Variants in DYM observed in about 807,000 individuals in gnomAD.
The protein encoded by DYM is dymeclin, also known as dyggve-Melchior-Clausen syndrome protein.
Under a neutral mutation model 93.1 loss-of-function variants are expected in DYM, and 78 were observed. That is an observed-to-expected ratio of 0.84 (90% CI 0.70 to 1.01). The LOEUF is 1.01. DYM is among the 50% of genes least tolerant of loss of function. DYM has a pLI of 0.00. For missense variants in DYM, 789 were observed against 845.0 expected (o/e 0.93, Z 0.82); for synonymous variants, 321 against 319.7 (o/e 1.00, Z -0.04).
At chr18:49,317,205 T>G (rs1278477510) in intron 8 of DYM, among the ~76,000 whole-genome samples, 2 of 152,192 alleles carry the variant, frequency 1.3e-5, no homozygotes. Context: ...AACCTAGAAC[T>G]GCTCCAAAAA....
At chr18:49,214,195 T>C (rs1367222861) in intron 13 of DYM, among the ~76,000 whole-genome samples, 2 of 152,238 alleles carry the variant, frequency 1.3e-5, no homozygotes, top group Non-Finnish European at 2.9e-5. Flanking sequence ...CTGGGCTACA[T>C]AGCAGTAGGT....
chr18:49,098,687 T>C (rs2079810908), intron 16 of DYM, among the ~76,000 whole-genome samples: 1 of 152,242 alleles, frequency 6.6e-6, no homozygotes, highest in South Asian at 2.1e-4. Context: ...TGTCCACAAG[T>C]GGGCTTTTCG....
intron 17 of DYM, among the ~76,000 whole-genome samples, chr18:49,082,742 C>G (rs185061871): frequency 6.6e-6 from 1 of 152,200 alleles, no homozygotes; most frequent in Non-Finnish European, 1.5e-5. Context: ...CAAATACAGA[C>G]AGTTTTACTT....
At chr18:49,432,594 T>C (rs894779495) in intron 1 of DYM, among the ~76,000 whole-genome samples, 2 of 128,890 alleles carry the variant, frequency 1.6e-5, no homozygotes, top group African/African-American at 6.1e-5. Flanking sequence ...AGTACCAGCA[T>C]TAAAATTTTT....
intron 2 of DYM, chr18:49,413,061 A>T (rs1190441065): frequency 6.6e-6 from 1 of 152,176 alleles, no homozygotes; most frequent in Admixed American, 6.5e-5. Context: ...GTGAACATAT[A>T]ATCTGGTGGT....
Position 49,081,253 on chromosome 18 carries a change from G to T in DYM, c.2025+16149C>A, listed in dbSNP as rs946889210. On this transcript the variant is annotated intron_variant, in intron 17 of 17. Coordinates refer to ENST00000675505, the MANE Select transcript of DYM (RefSeq NM_001353214.3). ...GAACCAGACTCCGTCTGCAATCCCG[G>T]CACCTCGGGAGGCCGAGGCTGGCGG... Among the ~76,000 whole-genome samples the T allele has an allele frequency of 3.0e-4, 46 of 151,068 alleles. 1 individual carries two copies. Among genetic ancestry groups the T allele is most frequent in the Non-Finnish European group, 5.5e-4 (37 of 67,664 alleles).
At chr18:49,210,093 T>G (rs987956665) in intron 13 of DYM, among the ~76,000 whole-genome samples, 3 of 152,356 alleles carry the variant, frequency 2.0e-5, no homozygotes, top group African/African-American at 7.2e-5. Flanking sequence ...ACAGGAACTC[T>G]CATTCACTGC....
At chr18:49,392,930 G>T (rs1403351922) in intron 2 of DYM, among the ~76,000 whole-genome samples, 2 of 149,812 alleles carry the variant, frequency 1.3e-5, no homozygotes, top group Admixed American at 6.7e-5. Context: ...AGGAGGCAGA[G>T]GTTACAGTGA....
chr18:49,072,604 G>A (rs865816862), intron 17 of DYM, among the ~76,000 whole-genome samples: 1 of 152,244 alleles, frequency 6.6e-6, no homozygotes, highest in Non-Finnish European at 1.5e-5. Flanking sequence ...GTGAGGTTTG[G>A]CAACGTGAGA....
At chr18:49,211,218 T>G (rs777505234) in intron 13 of DYM, among the ~76,000 whole-genome samples, 1 of 152,114 alleles carries the variant, frequency 6.6e-6, no homozygotes, top group Admixed American at 6.5e-5. Flanking sequence ...GCGAACAACA[T>G]AGTAAAAAAT....
At chr18:49,378,421 A>C in intron 5 of DYM, 146 bp downstream of exon 5, 1 of 803,718 alleles carries the variant, frequency 1.2e-6, no homozygotes, top group African/African-American at 1.8e-5. Context: ...TTAACACAGA[A>C]AAAGAAAAAA....
intron 13 of DYM, among the ~76,000 whole-genome samples, chr18:49,213,184 C>T (rs2092868659): frequency 6.6e-6 from 1 of 152,000 alleles, no homozygotes; most frequent in Non-Finnish European, 1.5e-5. Context: ...ACAAAAACCA[C>T]AAGCAAAAGA....
At chr18:49,044,226 T>C (rs2071168660) in intron 17 of DYM, 22 bp from the exon 18 acceptor site, 5 of 1,613,642 alleles carry the variant, frequency 3.1e-6, no homozygotes, top group Admixed American at 1.7e-5. Context: ...ATAAGATGAT[T>C]TTATAATCCC....
chr18:49,352,777 A>G (rs899598445), intron 6 of DYM, among the ~76,000 whole-genome samples: 9 of 152,228 alleles, frequency 5.9e-5, no homozygotes, highest in Non-Finnish European at 1.3e-4. Flanking sequence ...GGAATCAACT[A>G]TGGATTATTT....
intron 8 of DYM, among the ~76,000 whole-genome samples, chr18:49,298,974 A>T (rs990419155): frequency 1.3e-5 from 2 of 152,216 alleles, no homozygotes; most frequent in African/African-American, 4.8e-5. Flanking sequence ...CAAAAAGAAT[A>T]AACAAATTAA....
chr18:49,227,092 T>C (rs1400011166), intron 13 of DYM, among the ~76,000 whole-genome samples: 1 of 152,104 alleles, frequency 6.6e-6, no homozygotes, highest in Non-Finnish European at 1.5e-5. Flanking sequence ...AATGGAAAAA[T>C]TGAGTTCACA....
In DYM at chr18:49,040,445, A is replaced by T. The variant is rs868632107; in HGVS notation, c.*3610T>A. On this transcript the variant is annotated 3_prime_UTR_variant, in exon 18 of 18. Coordinates refer to ENST00000675505, the MANE Select transcript of DYM (RefSeq NM_001353214.3). ...CTAATGAGATTAAATTTTATGCTTTAATTCATACAAAATAAATATGCATTA... is the reference window on the plus strand; with the variant it reads ...CTAATGAGATTAAATTTTATGCTTTTATTCATACAAAATAAATATGCATTA... 1.3e-5 allele frequency among the ~76,000 whole-genome samples: 2 copies of T among 152,188 alleles called. No homozygotes were observed. The highest frequency in any genetic ancestry group is 4.1e-4 in the South Asian group (2 of 4,826).
chr18:49,272,948 C>T (rs529148571), intron 10 of DYM, among the ~76,000 whole-genome samples: 7 of 151,936 alleles, frequency 4.6e-5, no homozygotes, highest in African/African-American at 9.7e-5. Context: ...GATGGGCAGA[C>T]TATCTACATA....
chr18:49,120,088 A>G (rs1568452948), intron 15 of DYM, among the ~76,000 whole-genome samples: 2 of 150,896 alleles, frequency 1.3e-5, no homozygotes, highest in Admixed American at 1.3e-4. Context: ...CAAAAAAAAA[A>G]AAAAAAAGAA....
Sources: allele counts gnomAD v4.1 joint callset (sites outside exome capture counted in the v4.1 genomes callset), GRCh38; gene constraint gnomAD v4.1.1; transcripts MANE v1.5; gene names NCBI Gene and HGNC (gene_info 2026-07-23, HGNC 2026-07-21).